Variants in ZKSCAN8 observed in about 807,000 individuals in gnomAD.
The protein encoded by ZKSCAN8 is zinc finger protein with KRAB and SCAN domains 8.
Under a neutral mutation model 57.2 loss-of-function variants are expected in ZKSCAN8, and 27 were observed. The ratio of observed to expected loss-of-function variants is 0.47; its 90% CI spans 0.35 to 0.65. The LOEUF (loss-of-function observed/expected upper bound fraction) is 0.65. Among genes scored for constraint, ZKSCAN8 ranks in the 30% least tolerant of loss-of-function variants. The pLI, the probability that ZKSCAN8 is intolerant of heterozygous loss-of-function variation, is 0.01. For missense variants in ZKSCAN8, 597 were observed against 696.3 expected, an observed-to-expected ratio of 0.86 and a Z score of 1.60; for synonymous variants, 214 against 248.7, an observed-to-expected ratio of 0.86 and a Z score of 1.31.
At position 28,153,663 on chromosome 6, in the gene ZKSCAN8, C is replaced by G. The variant is rs761534490; in HGVS notation, c.1383C>G (p.Pro461=). ...GHQRIHTGEK[P]YECDECGKTF... Reference sequence around the variant, plus strand: ...AGAGAATCCACACTGGGGAGAAGCCCTATGAGTGTGATGAGTGTGGGAAAA... The same window carrying G: ...AGAGAATCCACACTGGGGAGAAGCCGTATGAGTGTGATGAGTGTGGGAAAA... The change falls in exon 6 of 6, where the codon CCC becomes CCG. Residue 461 remains proline, a synonymous_variant. Coordinates refer to ENST00000330236, the MANE Select transcript of ZKSCAN8 (RefSeq NM_006298.4). The G allele has an allele frequency of 6.2e-7, 1 of 1,613,454 alleles. No individual in the cohort carries two copies. The highest frequency in any genetic ancestry group is 2.2e-5 in the East Asian group (1 of 44,768).
At chr6:28,148,040 C>A (rs891546386) in intron 1 of ZKSCAN8, among the ~76,000 whole-genome samples, 1 of 152,130 alleles carries the variant, frequency 6.6e-6, no homozygotes, top group Non-Finnish European at 1.5e-5. Flanking sequence ...TCAACTAGAC[C>A]CAGTCTACAT....
intron 1 of ZKSCAN8, among the ~76,000 whole-genome samples, chr6:28,142,595 G>C (rs947193718): frequency 1.3e-5 from 2 of 148,468 alleles, no homozygotes; most frequent in African/African-American, 5.0e-5. Context: ...TATTTCATTT[G>C]TTAAAGCAAA....
intron 5 of ZKSCAN8, 46 bp downstream of exon 5, chr6:28,152,430 G>T: frequency 6.4e-7 from 1 of 1,564,864 alleles, no homozygotes; most frequent in Non-Finnish European, 8.6e-7. Context: ...TTTTTTGTTT[G>T]TTTGTTGTTT....
At chr6:28,142,315 C>T (rs1581515452) in intron 1 of ZKSCAN8, 2 of 152,254 alleles carry the variant, frequency 1.3e-5, no homozygotes, top group East Asian at 3.9e-4. Context: ...ACGCCCCCCC[C>T]ATGTTATTTT....
chr6:28,152,872 C>A (rs1020416615), intron 5 of ZKSCAN8, among the ~76,000 whole-genome samples, 184 bp from the exon 6 acceptor site: 1 of 152,110 alleles, frequency 6.6e-6, no homozygotes, highest in Admixed American at 6.6e-5. Context: ...ACCTCTTTCC[C>A]AGTTGACTAG....
In ZKSCAN8 at chr6:28,152,769, G is replaced by T. The variant is rs183795716; in HGVS notation, c.776-287G>T. Reference sequence around the variant, plus strand: ...GTCCTGCTCATTAGTTCTTTTAGTAGTTCCATATTCCTCTCCCCAACTTTC... The same window carrying T: ...GTCCTGCTCATTAGTTCTTTTAGTATTTCCATATTCCTCTCCCCAACTTTC... On this transcript the variant is annotated intron_variant, in intron 5 of 5. Coordinates refer to ENST00000330236, the MANE Select transcript of ZKSCAN8 (RefSeq NM_006298.4). 3.7e-3 allele frequency among the ~76,000 whole-genome samples: 560 copies of T among 152,138 alleles called. 7 individuals carry two copies. Among genetic ancestry groups the T allele is most frequent in the Admixed American group, 0.011 (175 of 15,296 alleles).
At chr6:28,150,446 T>C (rs1448613829) in intron 3 of ZKSCAN8, among the ~76,000 whole-genome samples, 2 of 152,204 alleles carry the variant, frequency 1.3e-5, no homozygotes, top group Non-Finnish European at 2.9e-5. Flanking sequence ...TTATTGGTGG[T>C]GTTATCTTTG....
intron 1 of ZKSCAN8, among the ~76,000 whole-genome samples, chr6:28,145,520 A>G (rs568733522): frequency 6.6e-6 from 1 of 152,294 alleles, no homozygotes; most frequent in Admixed American, 6.5e-5. Flanking sequence ...AATCTCTGGC[A>G]GTACAGGGCT....
In ZKSCAN8 at chr6:28,153,487, G is replaced by C. The variant is rs769012626; in HGVS notation, c.1207G>C (p.Glu403Gln). ...LILHQRIHTG[E>Q]KPYQCNQCGK... is the part of the protein sequence containing the mutation. ...TCTGCACCAGAGAATCCACACTGGG[G>C]AGAAGCCATATCAGTGCAATCAGTG... The change falls in exon 6 of 6, where the codon GAG (glutamate) becomes CAG (glutamine). Residue 403 changes from glutamate (E) to glutamine (Q), a missense_variant. Physicochemically the swap from Glu to Gln is conservative, Grantham distance 29. Transcript: ENST00000330236. 20 of 1,612,234 alleles carry C rather than the reference G, an allele frequency of 1.2e-5. No individual in the cohort carries two copies. The highest frequency in any genetic ancestry group is 1.7e-5 in the Non-Finnish European group (20 of 1,178,548).
At position 28,158,110 on chromosome 6, in the gene ZKSCAN8, C is replaced by T. The variant is rs1172554087; in HGVS notation, c.*4093C>T. 1.3e-5 allele frequency: 2 copies of T among 152,140 alleles called. No homozygotes were observed. The highest frequency in any genetic ancestry group is 3.9e-4 in the East Asian group (2 of 5,182). 9.4% of individuals were successfully genotyped at this position (152,140 alleles called of 1,614,324 possible). Reference sequence around the variant, plus strand: ...ACTCACCAGTGGACAAATAATAAGGCCTTTTTTTATTATTATTTCTTGTCT... The same window carrying T: ...ACTCACCAGTGGACAAATAATAAGGTCTTTTTTTATTATTATTTCTTGTCT... On this transcript the variant is annotated 3_prime_UTR_variant, in exon 6 of 6. Coordinates refer to ENST00000330236, the MANE Select transcript of ZKSCAN8 (RefSeq NM_006298.4).
chr6:28,147,445 T>C (rs1055225696), intron 1 of ZKSCAN8, among the ~76,000 whole-genome samples: 4 of 152,342 alleles, frequency 2.6e-5, no homozygotes, highest in East Asian at 1.9e-4. Context: ...GTTATACATA[T>C]ATGTATTTTA....
chr6:28,145,479 G>A (rs1316596493), intron 1 of ZKSCAN8, among the ~76,000 whole-genome samples: 1 of 151,970 alleles, frequency 6.6e-6, no homozygotes. Context: ...CAGGAGGTGA[G>A]TCATGTTAGT....
Position 28,149,657 on chromosome 6 carries a change from G to A in ZKSCAN8, c.559+33G>A, listed in dbSNP as rs376999941. 2.5e-6 allele frequency: 4 copies of A among 1,609,970 alleles called. No homozygotes were observed. The African/African-American group carries it at 4.0e-5, about 16-fold the overall frequency. On this transcript the variant is annotated intron_variant, in intron 3 of 5. Transcript: ENST00000330236. Reference sequence around the variant, plus strand: ...GCCAGATTTCATTGATGATAAGGGGGGGAAGTACAAATAAAAGTCCATTTG... The same window carrying A: ...GCCAGATTTCATTGATGATAAGGGGAGGAAGTACAAATAAAAGTCCATTTG...
intron 4 of ZKSCAN8, 152 bp from the exon 5 acceptor site, chr6:28,152,109 C>A: frequency 7.3e-7 from 1 of 1,379,162 alleles, no homozygotes; most frequent in Non-Finnish European, 9.8e-7. Flanking sequence ...AAATCTCATG[C>A]ATTTTCCTCT....
chr6:28,146,310 A>G (rs576915712), intron 1 of ZKSCAN8, among the ~76,000 whole-genome samples: 2 of 152,366 alleles, frequency 1.3e-5, no homozygotes, highest in African/African-American at 4.8e-5. Context: ...ATATACAGTT[A>G]TGGGAAAAGT....
chr6:28,144,640 C>T lies in ZKSCAN8; in HGVS notation c.-93+2611C>T, dbSNP rs1219949799. 6.6e-6 allele frequency among the ~76,000 whole-genome samples: 1 copy of T among 152,246 alleles called. No individual in the cohort carries two copies. The highest frequency in any genetic ancestry group is 1.5e-5 in the Non-Finnish European group (1 of 68,046). On this transcript the variant is annotated intron_variant, in intron 1 of 5. Transcript: ENST00000330236. The surrounding 1 kb of genome is among the most constrained non-coding windows in gnomAD (Gnocchi z 4.5). Reference sequence around the variant, plus strand: ...TTTGCAATAAGGCCATGGCCACATTCTCACAATGTGATAAGTCCTATATTT... The same window carrying T: ...TTTGCAATAAGGCCATGGCCACATTTTCACAATGTGATAAGTCCTATATTT...
In ZKSCAN8 at chr6:28,153,443, G is replaced by A. The variant is rs1765672471; in HGVS notation, c.1163G>A (p.Ser388Asn). Residue 388 changes from serine to asparagine, a missense_variant, in exon 6 of 6, where the codon AGT becomes AAT. Physicochemically the swap from Ser to Asn is conservative, Grantham distance 46. Coordinates refer to ENST00000330236, the MANE Select transcript of ZKSCAN8 (RefSeq NM_006298.4). ...YHCKECGKAF[S>N]QNTGLILHQR... ...TGTAAGGAGTGTGGCAAAGCCTTCA[G>A]TCAGAACACAGGCCTGATTCTGCAC... The A allele has an allele frequency of 6.2e-7, 1 of 1,614,006 alleles. No individual in the cohort carries two copies. Among genetic ancestry groups the A allele is most frequent in the African/African-American group, 1.3e-5 (1 of 74,896 alleles).
chr6:28,148,564 C>A lies in ZKSCAN8; in HGVS notation c.157C>A (p.Arg53Ser), dbSNP rs144390792. 957 of 1,614,086 alleles carry A rather than the reference C, an allele frequency of 5.9e-4. 3 individuals are homozygous for A. Among genetic ancestry groups the A allele is most frequent in the Middle Eastern group, 1.6e-3 (10 of 6,062 alleles). The change falls in exon 2 of 6, where the codon CGC becomes AGC. Residue 53 changes from arginine to serine, a missense_variant. By Grantham distance (110) the Arg-to-Ser change is moderately radical. Coordinates refer to ENST00000330236, the MANE Select transcript of ZKSCAN8 (RefSeq NM_006298.4). ...TCTTGGCCAAGAAGTGTTCCGCCTG[C>A]GCTTCAGGCAGTTACGCTACCAGGA... ...NPLGQEVFRLRFRQLRYQETL... is the reference protein window; with the variant it reads ...NPLGQEVFRLSFRQLRYQETL...
In ZKSCAN8 at chr6:28,156,121, AT is replaced by A. The variant is rs947278780; in HGVS notation, c.*2105del. On this transcript the variant is annotated 3_prime_UTR_variant, in exon 6 of 6. Coordinates refer to ENST00000330236, the MANE Select transcript of ZKSCAN8 (RefSeq NM_006298.4). ...ATTACCTTGTATGCAAATATTACAT[AT>A]GATGGGTGCATTGTCAGAGGGAAAA... 6 of 398,302 alleles carry A rather than the reference AT, an allele frequency of 1.5e-5. No homozygotes were observed. The highest frequency in any genetic ancestry group is 2.7e-5 in the Non-Finnish European group (6 of 225,918). 24.7% of individuals were successfully genotyped at this position (398,302 alleles called of 1,614,324 possible).
Sources: allele counts gnomAD v4.1 joint callset (sites outside exome capture counted in the v4.1 genomes callset), GRCh38; gene constraint gnomAD v4.1.1; non-coding constraint Gnocchi (gnomAD v3.1); transcripts MANE v1.5; gene names NCBI Gene and HGNC (gene_info 2026-07-23, HGNC 2026-07-21).